The following NARS2 variants were observed in gnomAD, a reference collection of about 807,000 sequenced individuals.
NARS2 encodes the protein asparaginyl-tRNA synthetase 2, mitochondrial, also known as asparaginyl-tRNA synthetase.
A neutral mutation model predicts 62.9 loss-of-function variants in NARS2; 60 were observed. That is an observed-to-expected ratio of 0.95 (90% CI 0.77 to 1.18). The LOEUF (loss-of-function observed/expected upper bound fraction) is 1.18. NARS2 is among the 50% of genes most tolerant of loss of function. The probability of loss-of-function intolerance (pLI) is 0.00; values close to 1 mark genes in which losing one functional copy is unlikely to be tolerated. For missense variants in NARS2, 619 were observed against 576.4 expected, an observed-to-expected ratio of 1.07 and a Z score of -0.76; for synonymous variants, 196 against 200.0, an observed-to-expected ratio of 0.98 and a Z score of 0.17.
At chr11:78,520,973 G>T (rs947414364) in intron 6 of NARS2, among the ~76,000 whole-genome samples, 2 of 150,668 alleles carry the variant, frequency 1.3e-5, no homozygotes, top group Non-Finnish European at 2.9e-5. Flanking sequence ...CAGGAAAATC[G>T]CTTGAACCCG....
intron 11 of NARS2, among the ~76,000 whole-genome samples, chr11:78,449,480 A>T (rs1251038286): frequency 6.7e-6 from 1 of 148,894 alleles, no homozygotes; most frequent in Non-Finnish European, 1.5e-5. Context: ...TAGCTACGTT[A>T]AAAAAAAAAA....
At chr11:78,537,110 A>G (rs533973541) in intron 5 of NARS2, among the ~76,000 whole-genome samples, 1 of 152,324 alleles carries the variant, frequency 6.6e-6, no homozygotes, top group South Asian at 2.1e-4. Flanking sequence ...AGTACACTCT[A>G]TGATGGTTGC....
intron 3 of NARS2, 33 bp from the exon 4 acceptor site, chr11:78,566,305 CA>C: frequency 1.9e-6 from 3 of 1,539,572 alleles, no homozygotes; most frequent in Non-Finnish European, 2.6e-6. Context: ...AATTAGAAGT[CA>C]AAAGAGATAC....
At chr11:78,497,810 A>G (rs1026156628) in intron 6 of NARS2, among the ~76,000 whole-genome samples, 1 of 152,180 alleles carries the variant, frequency 6.6e-6, no homozygotes, top group Non-Finnish European at 1.5e-5. Flanking sequence ...TGCAGCCTTC[A>G]CCATTTCAAC....
intron 9 of NARS2, among the ~76,000 whole-genome samples, chr11:78,474,374 AAT>A (rs994692953): frequency 1.3e-5 from 2 of 152,170 alleles, no homozygotes; most frequent in Non-Finnish European, 2.9e-5. Flanking sequence ...AAAATAAATC[AAT>A]GTTTGTTTTC....
chr11:78,480,841 C>T (rs1859322886), intron 7 of NARS2, among the ~76,000 whole-genome samples: 2 of 150,222 alleles, frequency 1.3e-5, no homozygotes, highest in Admixed American at 1.3e-4. Context: ...TTTTCTAAGA[C>T]AGAGTCTTGC....
At chr11:78,539,589 C>A (rs1198584081) in intron 5 of NARS2, among the ~76,000 whole-genome samples, 41 of 152,140 alleles carry the variant, frequency 2.7e-4, no homozygotes, top group Admixed American at 2.7e-3. Context: ...TGGAGATAAA[C>A]AGTTTGGGAC....
chr11:78,450,288 A>G (rs1476050417), intron 11 of NARS2, among the ~76,000 whole-genome samples: 1 of 152,216 alleles, frequency 6.6e-6, no homozygotes, highest in Non-Finnish European at 1.5e-5. Context: ...ACTCTGGGAG[A>G]TAAACGAATC....
At chr11:78,574,210 A>G in intron 1 of NARS2, 138 bp downstream of exon 1, 1 of 1,083,242 alleles carries the variant, frequency 9.2e-7, no homozygotes, top group Non-Finnish European at 1.4e-6. Context: ...AGAAAAGTGC[A>G]AACCCGCGAC....
intron 4 of NARS2, among the ~76,000 whole-genome samples, chr11:78,560,400 G>A (rs998725220): frequency 1.3e-5 from 2 of 152,160 alleles, no homozygotes; most frequent in Admixed American, 6.5e-5. Context: ...CAACTTCAAG[G>A]TTATGCTTCT....
intron 11 of NARS2, among the ~76,000 whole-genome samples, chr11:78,450,661 CTTGT>C (rs1481587652): frequency 6.8e-6 from 1 of 146,052 alleles, no homozygotes; most frequent in Non-Finnish European, 1.5e-5. Context: ...CCACAAAAGC[CTTGT>C]CTTTTTTTTT....
In NARS2 at chr11:78,574,560, C is replaced by T; in HGVS notation, c.-72G>A. 2.7e-6 allele frequency: 4 copies of T among 1,474,136 alleles called. No homozygotes were observed. The highest frequency in any genetic ancestry group is 3.6e-6 in the Non-Finnish European group (4 of 1,109,342). 91.3% of individuals were successfully genotyped at this position (1,474,136 alleles called of 1,614,324 possible). A position where few individuals can be genotyped will look rare whatever the true frequency, so the allele number is the denominator to read the frequency against. On this transcript the variant is annotated 5_prime_UTR_variant, in exon 1 of 14. Transcript: ENST00000281038. ...TTCGAACCCCGCCTGCAGCGGCCCT[C>T]CTTTCTCAGCTGCTCCCCTTCCGCG... is the stretch of plus-strand genomic sequence containing the variant.
At position 78,538,882 on chromosome 11, in the gene NARS2, C is replaced by T. The variant is rs375133549; in HGVS notation, c.595-9946G>A. Among the ~76,000 whole-genome samples, 80 of 150,012 alleles carry T rather than the reference C, an allele frequency of 5.3e-4. No homozygotes were observed. The East Asian group carries it at 0.015, about 28-fold the overall frequency. ...TGGTGGCGGGCGCCTGTAGTCCCAG[C>T]TACTCGGGAGGCTGAGGCAGGAGAA... is the stretch of plus-strand genomic sequence containing the variant. On this transcript the variant is annotated intron_variant, in intron 5 of 13. Coordinates refer to ENST00000281038, the MANE Select transcript of NARS2 (RefSeq NM_024678.6).
intron 5 of NARS2, among the ~76,000 whole-genome samples, chr11:78,554,944 A>G (rs990397629): frequency 1.3e-5 from 2 of 152,210 alleles, no homozygotes; most frequent in African/African-American, 4.8e-5. Context: ...TGTTCCTTCA[A>G]TATCTAGTTT....
intron 6 of NARS2, among the ~76,000 whole-genome samples, chr11:78,505,073 A>C (rs924275940): frequency 2.6e-5 from 4 of 151,676 alleles, no homozygotes; most frequent in African/African-American, 2.4e-5. Context: ...AAAAAAAAAA[A>C]CCACTAAATT....
At chr11:78,443,082 C>T (rs112358484) in intron 12 of NARS2, among the ~76,000 whole-genome samples, 4 of 151,874 alleles carry the variant, frequency 2.6e-5, no homozygotes, top group Non-Finnish European at 4.4e-5. Context: ...TCCCAGCACT[C>T]TGGGAGGCTG....
In NARS2 at chr11:78,542,358, T is replaced by A. The variant is rs1371628753; in HGVS notation, c.595-13422A>T. Among the ~76,000 whole-genome samples, 5 of 152,314 alleles carry A rather than the reference T, an allele frequency of 3.3e-5. No homozygotes were observed. In the South Asian group the frequency reaches 8.3e-4, roughly 25 times the overall value. The stretch of plus-strand genomic sequence containing the variant: ...TGCCTTATTTTTCTTTTACAGGAGA[T>A]AAACACAAATGTAAAATTGCAAAAC... On this transcript the variant is annotated intron_variant, in intron 5 of 13. Coordinates refer to ENST00000281038, the MANE Select transcript of NARS2 (RefSeq NM_024678.6).
chr11:78,478,282 T>A (rs1416819784), intron 9 of NARS2, among the ~76,000 whole-genome samples, 156 bp downstream of exon 9: 1 of 151,646 alleles, frequency 6.6e-6, no homozygotes, highest in Non-Finnish European at 1.5e-5. Flanking sequence ...TTGCCTGGAA[T>A]CTGGGGAGTG....
chr11:78,470,405 A>G (rs576840114), intron 9 of NARS2, among the ~76,000 whole-genome samples: 1 of 152,272 alleles, frequency 6.6e-6, no homozygotes, highest in South Asian at 2.1e-4. Flanking sequence ...AATCACTGTT[A>G]TTGGTATTGT....
Sources: gnomAD v4.1 joint callset for allele counts (sites outside exome capture counted in the v4.1 genomes callset) on GRCh38, gnomAD v4.1.1 for gene constraint, MANE v1.5 for transcripts, NCBI Gene and HGNC (gene_info 2026-07-23, HGNC 2026-07-21) for gene names.